Variants in CLUH observed in about 807,000 individuals in gnomAD.
CLUH encodes CLUH binding protein of NUMT mRNA, also known as clustered mitochondria protein homolog.
A neutral mutation model predicts 139.3 loss-of-function variants in CLUH; 77 were observed. The observed-to-expected ratio is 0.55, with a 90% CI of 0.46 to 0.67. CLUH has a LOEUF of 0.67. Among genes scored for constraint, CLUH ranks in the 30% least tolerant of loss-of-function variants. The pLI is 0.00. For synonymous variants in CLUH, 999 were observed against 801.6 expected, an observed-to-expected ratio of 1.25 and a Z score of -4.16; for missense variants, 1,876 against 1,875.8, an observed-to-expected ratio of 1.00 and a Z score of 0.00.
rs753112710 is a variant in CLUH at position 2,690,755 on chromosome 17, T to C, written c.3886A>G (p.Lys1296Glu). 40 of 1,528,226 alleles carry C rather than the reference T, an allele frequency of 2.6e-5. No individual in the cohort carries two copies. The highest frequency in any genetic ancestry group is 3.2e-5 in the Non-Finnish European group (37 of 1,147,274). 94.7% of individuals were successfully genotyped at this position (1,528,226 alleles called of 1,614,324 possible). ...TGGTGCCGCCGCGCCACCTCGGCTT[T>C]CAGATTCTCCAGGTCTTTTTGGCTG... The part of the protein sequence containing the change: ...PLSQKDLENL[K>E]AEVARRHQLQ... The change falls in exon 26 of 26, where the codon AAA becomes GAA. Residue 1296 changes from lysine to glutamate, a missense_variant. By Grantham distance (56) the Lys-to-Glu change is moderately conservative (BLOSUM62 1). This residue lies in a region of CLUH where 1,454 missense variants were observed against 1,384.4 expected (regional missense o/e 1.05). Transcript: ENST00000651024.
Position 2,701,494 on chromosome 17 carries a change from G to A in CLUH, c.771C>T (p.Thr257=). Residue 257 remains threonine (T), a synonymous_variant, in exon 6 of 26, where the codon ACC becomes ACT. Transcript: ENST00000651024. ...CCGGGGGCGGGTTCCATCCGCTCATGGTGAGTACTTTCAGGCACTGCAAGG... is the reference window on the plus strand; with the variant it reads ...CCGGGGGCGGGTTCCATCCGCTCATAGTGAGTACTTTCAGGCACTGCAAGG... ...WKPLQCLKVL[T]MSGWNPPPGN... 2 of 1,613,898 alleles carry A rather than the reference G, an allele frequency of 1.2e-6. No homozygotes were observed. Among genetic ancestry groups the A allele is most frequent in the Middle Eastern group, 3.3e-4 (2 of 6,062 alleles).
At position 2,697,946 on chromosome 17, in the gene CLUH, G is replaced by A. The variant is rs374631590; in HGVS notation, c.1911C>T (p.His637=). Residue 637 remains histidine, a synonymous_variant, in exon 10 of 26, where the codon CAC becomes CAT. Transcript: ENST00000651024. ...ARAGFPRAHR[H]KLCCLRQELV... is the part of the protein sequence containing the mutation. The stretch of plus-strand genomic sequence containing the variant: ...GCTCCTGGCGCAGGCAGCAGAGCTT[G>A]TGCCGGTGGGCGCGGGGGAAGCCGG... 122 of 1,557,230 alleles carry A rather than the reference G, an allele frequency of 7.8e-5. No individual in the cohort carries two copies. Among genetic ancestry groups the A allele is most frequent in the Middle Eastern group, 1.7e-4 (1 of 5,980 alleles).
At chr17:2,693,760 G>A in intron 19 of CLUH, 140 bp downstream of exon 19, 1 of 1,100,250 alleles carries the variant, frequency 9.1e-7, no homozygotes, top group Non-Finnish European at 1.3e-6. Flanking sequence ...TTACAGAGGG[G>A]TGGAGCCAGG....
rs527599538 is a variant in CLUH at position 2,709,096 on chromosome 17, G to A, written c.100+2466C>T. Among the ~76,000 whole-genome samples the A allele has an allele frequency of 9.2e-5, 14 of 152,282 alleles. No individual in the cohort carries two copies. In the South Asian group the frequency reaches 2.5e-3, roughly 27 times the overall value. On this transcript the variant is annotated intron_variant, in intron 1 of 25. Coordinates refer to ENST00000651024, the MANE Select transcript of CLUH (RefSeq NM_001366661.1). ...CACACCCTTGCCCCGGCCTGGAGGC[G>A]CCGGGAGCTCAAAGGCGGCAGAGAG...
chr17:2,691,953 C>CG (rs2069674797), intron 23 of CLUH, 51 bp downstream of exon 23: 2 of 1,020,196 alleles, frequency 2.0e-6, no homozygotes, highest in Non-Finnish European at 2.5e-6. Flanking sequence ...CCGCCCCCGC[C>CG]CCGCCACGCC....
intron 13 of CLUH, chr17:2,695,763 G>C (rs1183586412): frequency 1.6e-6 from 1 of 610,310 alleles, no homozygotes; most frequent in East Asian, 2.8e-5. Flanking sequence ...GTGCCCGCTT[G>C]GGGGCACTAC....
In CLUH at chr17:2,695,198, G is replaced by A. The variant is rs749848948; in HGVS notation, c.2607+20C>T. 29 of 1,613,666 alleles carry A rather than the reference G, an allele frequency of 1.8e-5. No homozygotes were observed. Among genetic ancestry groups the A allele is most frequent in the East Asian group, 1.6e-4 (7 of 44,862 alleles). On this transcript the variant is annotated intron_variant, in intron 15 of 25. Coordinates refer to ENST00000651024, the MANE Select transcript of CLUH (RefSeq NM_001366661.1). Reference sequence around the variant, plus strand: ...CCACCCTGGGAGGCCATGGCCAGCCGCAGAGCGGACGGGTGGCACCTGTAA... The same window carrying A: ...CCACCCTGGGAGGCCATGGCCAGCCACAGAGCGGACGGGTGGCACCTGTAA...
chr17:2,702,681 TC>T (rs992207592), intron 3 of CLUH, among the ~76,000 whole-genome samples: 14 of 152,232 alleles, frequency 9.2e-5, no homozygotes, highest in African/African-American at 7.2e-5. Context: ...GGATGGCACC[TC>T]CCCGTGCCCG....
At position 2,701,125 on chromosome 17, in the gene CLUH, G is replaced by A. The variant is rs964874416; in HGVS notation, c.1025+15C>T. The A allele has an allele frequency of 3.0e-5, 49 of 1,613,632 alleles. No homozygotes were observed. Among genetic ancestry groups the A allele is most frequent in the Non-Finnish European group, 4.1e-5 (48 of 1,179,854 alleles). ...GTGTGCCATGAGACAAGGCGGGAGG[G>A]GACAAAGGCACTACCTTTTCTTCTG... On this transcript the variant is annotated intron_variant, in intron 7 of 25. Coordinates refer to ENST00000651024, the MANE Select transcript of CLUH (RefSeq NM_001366661.1).
Position 2,690,541 on chromosome 17 carries a change from G to T in CLUH, c.*53C>A, listed in dbSNP as rs911328104. 3.6e-6 allele frequency: 5 copies of T among 1,385,638 alleles called. No homozygotes were observed. The highest frequency in any genetic ancestry group is 4.7e-6 in the Non-Finnish European group (5 of 1,062,092). 85.8% of individuals were successfully genotyped at this position (1,385,638 alleles called of 1,614,324 possible). On this transcript the variant is annotated 3_prime_UTR_variant, in exon 26 of 26. Coordinates refer to ENST00000651024, the MANE Select transcript of CLUH (RefSeq NM_001366661.1). ...CGCAGGCTCGCCCCCTTCTCCCGCAGTCGGGCTCCCTGGTGACGGGGCCGC... is the reference window on the plus strand; with the variant it reads ...CGCAGGCTCGCCCCCTTCTCCCGCATTCGGGCTCCCTGGTGACGGGGCCGC...
chr17:2,696,075 GTT>G, intron 13 of CLUH, 82 bp downstream of exon 13: 1 of 1,147,636 alleles, frequency 8.7e-7, no homozygotes, highest in Non-Finnish European at 1.3e-6. Flanking sequence ...GCGAGCCTGT[GTT>G]CATGGGCCTC....
Position 2,698,273 on chromosome 17 carries a change from G to A in CLUH, c.1584C>T (p.Gly528=), listed in dbSNP as rs1462571078. 1 of 1,610,654 alleles carries A rather than the reference G, an allele frequency of 6.2e-7. No homozygotes were observed. Among genetic ancestry groups the A allele is most frequent in the Admixed American group, 1.7e-5 (1 of 59,622 alleles). Reference sequence around the variant, plus strand: ...TCTGCTCCTGGTCCCGCTCCAGGATGCCGGGGATGATGGACTGGGCCGTGA... The same window carrying A: ...TCTGCTCCTGGTCCCGCTCCAGGATACCGGGGATGATGGACTGGGCCGTGA... ...YRVTAQSIIP[G]ILERDQEQSV... The change falls in exon 10 of 26, where the codon GGC becomes GGT. Residue 528 remains glycine (G), a synonymous_variant. Transcript: ENST00000651024.
chr17:2,701,036 C>A, intron 7 of CLUH, 104 bp downstream of exon 7: 2 of 1,574,256 alleles, frequency 1.3e-6, no homozygotes, highest in Admixed American at 1.7e-5. Flanking sequence ...ACACTGGGGG[C>A]CCAGGGCGGT....
intron 1 of CLUH, among the ~76,000 whole-genome samples, chr17:2,709,091 G>A (rs1454891861): frequency 6.6e-6 from 1 of 152,118 alleles, no homozygotes; most frequent in Non-Finnish European, 1.5e-5. Flanking sequence ...CCCCGGCCTG[G>A]AGGCGCCGGG....
At position 2,698,047 on chromosome 17, in the gene CLUH, G is replaced by A. The variant is rs61297645; in HGVS notation, c.1810C>T (p.Leu604=). The change falls in exon 10 of 26, where the codon CTG becomes TTG. Residue 604 remains leucine (L), a synonymous_variant. Transcript: ENST00000651024. ...AGGTCCGGGGGGAAGGTGCGCAGCA[G>A]GTCGAGGATGTAGTGGCGCCCGTCG... ...GNDGRHYILD[L]LRTFPPDLNF... is the part of the protein sequence containing the mutation. 3.7e-6 allele frequency: 6 copies of A among 1,606,388 alleles called. No homozygotes were observed. Among genetic ancestry groups the A allele is most frequent in the East Asian group, 2.2e-5 (1 of 44,774 alleles).
intron 1 of CLUH, among the ~76,000 whole-genome samples, chr17:2,708,641 G>A (rs548540685): frequency 4.6e-5 from 7 of 152,124 alleles, no homozygotes; most frequent in African/African-American, 1.7e-4. Flanking sequence ...AGAAAAAACA[G>A]GAGTGTCAGA....
At chr17:2,695,600 C>T in intron 13 of CLUH, 74 bp from the exon 14 acceptor site, 1 of 1,474,854 alleles carries the variant, frequency 6.8e-7, no homozygotes, top group Non-Finnish European at 9.0e-7. Flanking sequence ...TGGGGGAGCA[C>T]AGCTATCCTG....
At chr17:2,700,940 C>G in intron 7 of CLUH, 115 bp from the exon 8 acceptor site, 1 of 1,442,330 alleles carries the variant, frequency 6.9e-7, no homozygotes. Context: ...GAGACACTGC[C>G]CTGGAGCCAG....
At chr17:2,711,466 G>C (rs1023646740) in intron 1 of CLUH, 96 bp downstream of exon 1, 1 of 287,692 alleles carries the variant, frequency 3.5e-6, no homozygotes, top group Non-Finnish European at 5.2e-6. Context: ...CGGGCCCGAC[G>C]CGGAGGGAAG....
Sources: gnomAD v4.1 joint callset for allele counts (sites outside exome capture counted in the v4.1 genomes callset) on GRCh38, gnomAD v4.1.1 for gene constraint, gnomAD v4.1.1 regional missense constraint, MANE v1.5 for transcripts, NCBI Gene and HGNC (gene_info 2026-07-23, HGNC 2026-07-21) for gene names.